The following PRR5L variants were observed in gnomAD, a reference collection of about 807,000 sequenced individuals.
PRR5L encodes proline-rich protein 5-like.
Under a neutral mutation model 36.4 loss-of-function variants are expected in PRR5L, and 21 were observed. The observed-to-expected ratio is 0.58, with a 90% CI of 0.41 to 0.83. The LOEUF is 0.83. Among genes scored for constraint, PRR5L ranks in the 40% least tolerant of loss-of-function variants. The pLI is 0.00. For synonymous variants in PRR5L, 188 were observed against 197.0 expected, an observed-to-expected ratio of 0.95 and a Z score of 0.38; for missense variants, 381 against 473.3, an observed-to-expected ratio of 0.80 and a Z score of 1.81.
intron 1 of PRR5L, among the ~76,000 whole-genome samples, chr11:36,396,487 G>T (rs948629257): frequency 6.6e-6 from 1 of 152,242 alleles, no homozygotes; most frequent in Admixed American, 6.5e-5. Flanking sequence ...ATTTCCAGAC[G>T]CTACTGCGTC....
chr11:36,302,889 C>T (rs183523859), intron 1 of PRR5L, among the ~76,000 whole-genome samples: 16 of 152,334 alleles, frequency 1.1e-4, no homozygotes, highest in African/African-American at 2.4e-4. Context: ...TATATGAGTT[C>T]GCCTAATCCT....
chr11:36,423,710 G>A (rs1353749326), intron 4 of PRR5L, among the ~76,000 whole-genome samples: 1 of 152,182 alleles, frequency 6.6e-6, no homozygotes, highest in Non-Finnish European at 1.5e-5. Context: ...TACACAGGGG[G>A]GCTTTGAACA....
At chr11:36,403,479 T>TC (rs960397244) in intron 3 of PRR5L, 101 bp downstream of exon 3, 1 of 771,426 alleles carries the variant, frequency 1.3e-6, no homozygotes, top group East Asian at 2.7e-5. Context: ...TTTTTTTTTT[T>TC]CCTGCTTGAT....
intron 1 of PRR5L, among the ~76,000 whole-genome samples, chr11:36,370,459 T>C (rs1857186041): frequency 6.6e-6 from 1 of 152,210 alleles, no homozygotes; most frequent in Non-Finnish European, 1.5e-5. Context: ...TGCTCTTTGG[T>C]GTTAGAAACC....
At chr11:36,334,503 C>A (rs1180378044) in intron 1 of PRR5L, among the ~76,000 whole-genome samples, 1 of 152,166 alleles carries the variant, frequency 6.6e-6, no homozygotes, top group Non-Finnish European at 1.5e-5. Flanking sequence ...GGCTTCAGCT[C>A]CTCTGGTACA....
At chr11:36,338,787 C>T (rs763587860) in intron 1 of PRR5L, among the ~76,000 whole-genome samples, 4 of 152,066 alleles carry the variant, frequency 2.6e-5, no homozygotes, top group Non-Finnish European at 5.9e-5. Flanking sequence ...AGTGCAGTGG[C>T]GTGATCTTGG....
intron 1 of PRR5L, among the ~76,000 whole-genome samples, chr11:36,350,281 CTG>C (rs1856915537): frequency 7.1e-6 from 1 of 140,766 alleles, no homozygotes; most frequent in African/African-American, 2.7e-5. Flanking sequence ...ATGTGTGAGT[CTG>C]TGAATGTGAG....
chr11:36,307,949 C>A (rs1041727881), intron 1 of PRR5L, among the ~76,000 whole-genome samples: 1 of 152,132 alleles, frequency 6.6e-6, no homozygotes. Flanking sequence ...AGCAAACTTT[C>A]CCCCACAGGC....
At chr11:36,320,725 G>T (rs1022018933) in intron 1 of PRR5L, among the ~76,000 whole-genome samples, 4 of 152,166 alleles carry the variant, frequency 2.6e-5, no homozygotes, top group Admixed American at 1.3e-4. Flanking sequence ...AGATGATCAG[G>T]ACTCAATCTT....
intron 4 of PRR5L, among the ~76,000 whole-genome samples, chr11:36,423,874 C>T (rs531967365): frequency 1.3e-5 from 2 of 152,282 alleles, no homozygotes; most frequent in East Asian, 1.9e-4. Flanking sequence ...CTCCCACTGG[C>T]CACTGTGAGG....
chr11:36,329,033 G>C (rs1000447273), intron 1 of PRR5L: 1 of 152,208 alleles, frequency 6.6e-6, no homozygotes, highest in African/African-American at 2.4e-5. Context: ...ATTTAATAAA[G>C]GGCATTTCTA....
At chr11:36,403,403 C>G (rs1208953745) in intron 3 of PRR5L, 25 bp downstream of exon 3, 5 of 1,598,710 alleles carry the variant, frequency 3.1e-6, no homozygotes, top group Non-Finnish European at 4.3e-6. Flanking sequence ...AGACTTGGTG[C>G]CATTTTCCCC....
chr11:36,376,332 G>C, intron 1 of PRR5L: 1 of 1,069,446 alleles, frequency 9.4e-7, no homozygotes. Flanking sequence ...GGGGAGAAGG[G>C]GGAGGAGGAG....
chr11:36,447,880 C>CGG (rs1195568464), intron 7 of PRR5L, among the ~76,000 whole-genome samples: 6 of 152,056 alleles, frequency 3.9e-5, no homozygotes. Flanking sequence ...ATGTGGGGCT[C>CGG]GGGTCTGAGA....
intron 1 of PRR5L, among the ~76,000 whole-genome samples, chr11:36,318,037 A>G (rs1324321809): frequency 1.3e-5 from 2 of 152,190 alleles, no homozygotes. Context: ...TTATAATGCT[A>G]TATTTTTACT....
At chr11:36,298,336 C>G (rs1293998155) in intron 1 of PRR5L, among the ~76,000 whole-genome samples, 2 of 152,156 alleles carry the variant, frequency 1.3e-5, no homozygotes, top group African/African-American at 4.8e-5. Flanking sequence ...ATTATTATTA[C>G]ATTGTAATAT....
chr11:36,304,123 G>A (rs1016207508), intron 1 of PRR5L, among the ~76,000 whole-genome samples: 7 of 152,062 alleles, frequency 4.6e-5, no homozygotes, highest in Non-Finnish European at 1.0e-4. Context: ...AACTCTCTGG[G>A]GACCTCATCT....
At chr11:36,435,482 A>G (rs998535586) in intron 5 of PRR5L, among the ~76,000 whole-genome samples, 3 of 152,186 alleles carry the variant, frequency 2.0e-5, no homozygotes, top group African/African-American at 7.2e-5. Flanking sequence ...AGTGATGTTC[A>G]AGCTGCAACT....
rs1857261491 is a variant in PRR5L at position 36,376,380 on chromosome 11, C to T, written c.-125-24617C>T. On this transcript the variant is annotated intron_variant, in intron 1 of 8. Transcript: ENST00000530639. The stretch of plus-strand genomic sequence containing the variant: ...GAGGAGGAGGAGGAGGAGGAGGCGG[C>T]CGTAAGATGAGAGAGGAGGGAAACG... The T allele has an allele frequency of 5.2e-6, 6 of 1,153,398 alleles. No individual in the cohort carries two copies. In the African/African-American group the frequency reaches 6.7e-5, roughly 13 times the overall value. 71.4% of individuals were successfully genotyped at this position (1,153,398 alleles called of 1,614,324 possible).
Sources: gnomAD v4.1 joint callset for allele counts (sites outside exome capture counted in the v4.1 genomes callset) on GRCh38, gnomAD v4.1.1 for gene constraint, MANE v1.5 for transcripts, NCBI Gene and HGNC (gene_info 2026-07-23, HGNC 2026-07-21) for gene names.